Variants in ANKRD30BL observed in about 807,000 individuals in gnomAD.
The protein encoded by ANKRD30BL is ankyrin repeat domain 30B like.
In ANKRD30BL, 20 loss-of-function variants were observed where a neutral mutation model predicts 18.4. The observed-to-expected ratio is 1.09, with a 90% CI of 0.77 to 1.58. The LOEUF (loss-of-function observed/expected upper bound fraction) is 1.58. Among genes scored for constraint, ANKRD30BL ranks in the 40% most tolerant of loss-of-function variants. ANKRD30BL has a pLI of 0.00. For missense variants in ANKRD30BL, 224 were observed against 268.6 expected (o/e 0.83, Z 1.16); for synonymous variants, 72 against 100.9 (o/e 0.71, Z 1.72).
At chr2:132,205,601 CA>C (rs563528186) in intron 1 of ANKRD30BL, among the ~76,000 whole-genome samples, 9,059 of 64,292 alleles carry the variant, frequency 0.14, 690 homozygotes, top group African/African-American at 0.36. Flanking sequence ...AACTTCGTCT[CA>C]AAAAAAAAAA....
chr2:132,233,306 T>A (rs1376563042), intron 1 of ANKRD30BL, among the ~76,000 whole-genome samples: 1 of 149,612 alleles, frequency 6.7e-6, no homozygotes, highest in Non-Finnish European at 1.5e-5. Flanking sequence ...GCTAACATCA[T>A]AATGACAGGA....
At chr2:132,212,101 G>A (rs1679372437) in intron 1 of ANKRD30BL, among the ~76,000 whole-genome samples, 2 of 151,474 alleles carry the variant, frequency 1.3e-5, no homozygotes, top group South Asian at 4.2e-4. Flanking sequence ...CTAGACAGAG[G>A]CATTTTGAGA....
At chr2:132,215,596 A>G (rs1679477068) in intron 1 of ANKRD30BL, among the ~76,000 whole-genome samples, 1 of 152,154 alleles carries the variant, frequency 6.6e-6, no homozygotes, top group African/African-American at 2.4e-5. Context: ...CACAGAGTTG[A>G]TCAATTCTTT....
intron 1 of ANKRD30BL, among the ~76,000 whole-genome samples, chr2:132,183,470 A>T (rs1295812517): frequency 6.6e-6 from 1 of 152,120 alleles, no homozygotes; most frequent in Non-Finnish European, 1.5e-5. Flanking sequence ...GACGTAAAAA[A>T]GGGTGAGCTG....
At chr2:132,191,065 T>C (rs1469665719) in intron 1 of ANKRD30BL, among the ~76,000 whole-genome samples, 1 of 152,014 alleles carries the variant, frequency 6.6e-6, no homozygotes, top group Admixed American at 6.5e-5. Flanking sequence ...ATATTGAAGC[T>C]GTCTATCACC....
chr2:132,228,396 C>T (rs978755288), intron 1 of ANKRD30BL, among the ~76,000 whole-genome samples: 15 of 151,652 alleles, frequency 9.9e-5, no homozygotes, highest in South Asian at 6.2e-4. Flanking sequence ...ACATTTGGAG[C>T]GCTTTGCAAC....
intron 1 of ANKRD30BL, among the ~76,000 whole-genome samples, chr2:132,248,436 T>C (rs200669707): frequency 6.6e-6 from 1 of 152,244 alleles, no homozygotes; most frequent in African/African-American, 2.4e-5. Context: ...AGTTTTTATG[T>C]GAAGATATTT....
At chr2:132,204,558 A>G (rs1679173423) in intron 1 of ANKRD30BL, among the ~76,000 whole-genome samples, 1 of 151,866 alleles carries the variant, frequency 6.6e-6, no homozygotes, top group African/African-American at 2.4e-5. Flanking sequence ...CAGTTAGAAG[A>G]AAAAGTCAGA....
chr2:132,189,555 C>A (rs1372164304), intron 1 of ANKRD30BL, among the ~76,000 whole-genome samples: 2 of 151,328 alleles, frequency 1.3e-5, no homozygotes, highest in Non-Finnish European at 2.9e-5. Context: ...TATGTAAATA[C>A]AATGATATTC....
chr2:132,235,346 G>C (rs1400117857), intron 1 of ANKRD30BL, among the ~76,000 whole-genome samples: 1 of 152,136 alleles, frequency 6.6e-6, no homozygotes, highest in Non-Finnish European at 1.5e-5. Flanking sequence ...AGGGCAACTA[G>C]GCAGGAGAAG....
chr2:132,237,847 A>G (rs1680204340), intron 1 of ANKRD30BL, among the ~76,000 whole-genome samples: 1 of 151,934 alleles, frequency 6.6e-6, no homozygotes, highest in African/African-American at 2.4e-5. Flanking sequence ...TGTGTACTTA[A>G]CTCACAGAGT....
chr2:132,167,275 T>TTTTTA (rs71001175), intron 1 of ANKRD30BL, among the ~76,000 whole-genome samples: 7,940 of 111,082 alleles, frequency 0.071, 432 homozygotes, highest in East Asian at 0.18. Flanking sequence ...CATTCATTTA[T>TTTTTA]TTTTATTTTA....
upstream of ANKRD30BL, among the ~76,000 whole-genome samples, chr2:132,162,601 C>T (rs1336901601): frequency 6.6e-6 from 1 of 152,142 alleles, no homozygotes; most frequent in East Asian, 1.9e-4. Context: ...CTGGGGTTCG[C>T]CTGCTGGTGG....
At chr2:132,255,178 G>C (rs147001938) in intron 1 of ANKRD30BL, among the ~76,000 whole-genome samples, 2 of 150,646 alleles carry the variant, frequency 1.3e-5, no homozygotes, top group East Asian at 3.9e-4. Flanking sequence ...TCCGACTTTC[G>C]TTCTTGATTA....
Position 132,221,374 on chromosome 2 carries a change from G to GA in ANKRD30BL, n.441+36154_441+36155insT, listed in dbSNP as rs1318585833. ...GCCCAGTCCGGGAGGGGGGAGGGGG[G>GA]GTCAGCCCCCTGCCCGGCCAGCCGC... On this transcript the variant is annotated intron_variant and non_coding_transcript_variant, in intron 1 of 4. Transcript: ENST00000470729. Among the ~76,000 whole-genome samples the GA allele has an allele frequency of 6.1e-4, 87 of 142,934 alleles. 1 individual carries two copies. The highest frequency in any genetic ancestry group is 2.2e-3 in the African/African-American group (81 of 36,520). The allele number at this position is 142,934 out of a possible 152,430, so 93.8% of individuals were successfully genotyped here.
chr2:132,229,543 T>G (rs79850207), intron 1 of ANKRD30BL, among the ~76,000 whole-genome samples: 13 of 152,114 alleles, frequency 8.5e-5, no homozygotes, highest in African/African-American at 3.1e-4. Context: ...CATAGCACAA[T>G]TTAGAAACTC....
intron 5 of ANKRD30BL, 66 bp from the exon 6 acceptor site, chr2:132,148,294 G>C: frequency 3.0e-6 from 4 of 1,354,194 alleles, no homozygotes; most frequent in Non-Finnish European, 2.0e-6. Context: ...TCTTTACCTG[G>C]AAAACTTCTA....
intron 1 of ANKRD30BL, among the ~76,000 whole-genome samples, chr2:132,212,742 CTT>C (rs1679390036): frequency 6.6e-6 from 1 of 151,878 alleles, no homozygotes. Flanking sequence ...TTGAAAAACT[CTT>C]TTTGTAGACT....
chr2:132,152,095 C>T (rs974509568), intron 4 of ANKRD30BL: 18 of 152,140 alleles, frequency 1.2e-4, no homozygotes, highest in Non-Finnish European at 1.0e-4. Flanking sequence ...TATGTGTTAC[C>T]ACATCTCATT....
Sources: allele counts gnomAD v4.1 joint callset (sites outside exome capture counted in the v4.1 genomes callset), GRCh38; gene constraint gnomAD v4.1.1; transcripts MANE v1.5; gene names NCBI Gene and HGNC (gene_info 2026-07-23, HGNC 2026-07-21).